Variants in TNFSF12 observed in about 807,000 individuals in gnomAD.
TNFSF12 encodes tumor necrosis factor ligand superfamily member 12.
In TNFSF12, 16 loss-of-function variants were observed where a neutral mutation model predicts 31.2. That is an observed-to-expected ratio of 0.51 (90% CI 0.35 to 0.78). The LOEUF is 0.78. Ranked by LOEUF, TNFSF12 falls within the 30% of genes least tolerant of loss-of-function variation. TNFSF12 has a pLI of 0.01. For missense variants in TNFSF12, 324 were observed against 338.8 expected, an observed-to-expected ratio of 0.96 and a Z score of 0.34; for synonymous variants, 150 against 151.4, an observed-to-expected ratio of 0.99 and a Z score of 0.07.
At chr17:7,553,628 T>C in intron 5 of TNFSF12, 1 of 1,303,802 alleles carries the variant, frequency 7.7e-7, no homozygotes, top group Non-Finnish European at 1.0e-6. Flanking sequence ...AGATACTAAG[T>C]GGTGGAGCCA....
chr17:7,554,307 C>CTTTTTTTTTT (rs67090485), intron 5 of TNFSF12, among the ~76,000 whole-genome samples: 2 of 73,012 alleles, frequency 2.7e-5, no homozygotes, highest in Admixed American at 1.7e-4. Context: ...TATCCAGACT[C>CTTTTTTTTTT]TTTTTTTTTT....
Position 7,549,312 on chromosome 17 carries a change from G to A in TNFSF12, c.159G>A (p.Gln53=). 1.4e-6 allele frequency: 2 copies of A among 1,399,896 alleles called. No individual in the cohort carries two copies. Among genetic ancestry groups the A allele is most frequent in the Non-Finnish European group, 1.9e-6 (2 of 1,075,996 alleles). 86.7% of individuals were successfully genotyped at this position (1,399,896 alleles called of 1,614,324 possible). Residue 53 remains glutamine, a splice_region_variant and synonymous_variant, in exon 1 of 7, where the codon CAG becomes CAA. Coordinates refer to ENST00000293825, the MANE Select transcript of TNFSF12 (RefSeq NM_003809.3). This position sits in a 1 kb window ranked among gnomAD's most constrained non-coding sequence, Gnocchi z 4.1. ...SLGSRASLSA[Q]EPAQEELVAE... is the part of the protein sequence containing the mutation. ...GGAGCCGGGCATCGCTGTCCGCCCA[G>A]GTGAGGCCCCGCTGCGCACCCCTTC...
chr17:7,555,977 T>TTTG lies in TNFSF12; in HGVS notation c.374-799_374-798insGTT, dbSNP rs763227106. Among the ~76,000 whole-genome samples the TTTG allele has an allele frequency of 1.6e-4, 13 of 80,596 alleles. 1 individual carries two copies. In the South Asian group the frequency reaches 3.0e-3, roughly 18 times the overall value. The allele number at this position is 80,596 out of a possible 152,430, so 52.9% of individuals were successfully genotyped here. A position where few individuals can be genotyped will look rare whatever the true frequency, so the allele number is the denominator to read the frequency against. On this transcript the variant is annotated intron_variant, in intron 5 of 6. Coordinates refer to ENST00000293825, the MANE Select transcript of TNFSF12 (RefSeq NM_003809.3). ...AAATAAAAATGCCCAGTGAGCGTTTTTTTTGTTTTTTTTTTTTTTTGGAGA... is the reference window on the plus strand; with the variant it reads ...AAATAAAAATGCCCAGTGAGCGTTTTTTGTTTTGTTTTTTTTTTTTTTTGGAGA...
rs557047106 is a variant in TNFSF12, at chr17:7,555,259, C to T, written c.374-1519C>T. Among the ~76,000 whole-genome samples the T allele has an allele frequency of 5.8e-4, 88 of 152,274 alleles. No individual in the cohort carries two copies. The Middle Eastern group carries it at 0.01, about 18-fold the overall frequency. On this transcript the variant is annotated intron_variant, in intron 5 of 6. Coordinates refer to ENST00000293825, the MANE Select transcript of TNFSF12 (RefSeq NM_003809.3). ...ATGGCTGTGGAGTCAGGGATTCTCT[C>T]CCTGCATCGCAAGGTGCCGCTGGGC...
chr17:7,549,106 G>C lies in TNFSF12; in HGVS notation c.-48G>C. The C allele has an allele frequency of 8.1e-7, 1 of 1,229,174 alleles. No individual in the cohort carries two copies. Among genetic ancestry groups the C allele is most frequent in the South Asian group, 3.7e-5 (1 of 27,242 alleles). The allele number at this position is 1,229,174 out of a possible 1,614,324, so 76.1% of individuals were successfully genotyped here. On this transcript the variant is annotated 5_prime_UTR_variant, in exon 1 of 7. Coordinates refer to ENST00000293825, the MANE Select transcript of TNFSF12 (RefSeq NM_003809.3). The surrounding 1 kb of genome is among the most constrained non-coding windows in gnomAD (Gnocchi z 4.1). ...CCGGCTCCCCCTCCCCCGATCCCTC[G>C]GGTCCCGGGATGGGGGGGCGGTGAG...
At position 7,549,491 on chromosome 17, in the gene TNFSF12, G is replaced by C. The variant is rs868687352; in HGVS notation, c.177G>C (p.Glu59Asp). The change falls in exon 2 of 7, where the codon GAG (glutamate) becomes GAC (aspartate). Residue 59 changes from glutamate to aspartate, a missense_variant. Glu to Asp is a conservative substitution (Grantham distance 45). Transcript: ENST00000293825. This position sits in a 1 kb window ranked among gnomAD's most constrained non-coding sequence, Gnocchi z 4.1. The stretch of plus-strand genomic sequence containing the variant: ...CCCAGCAGGAGCCTGCCCAGGAGGA[G>C]CTGGTGGCAGAGGAGGACCAGGACC... ...SLSAQEPAQEELVAEEDQDPS... is the reference protein window; with the variant it reads ...SLSAQEPAQEDLVAEEDQDPS... 1.3e-6 allele frequency: 2 copies of C among 1,548,154 alleles called. No homozygotes were observed. Among genetic ancestry groups the C allele is most frequent in the African/African-American group, 2.7e-5 (2 of 73,800 alleles).
chr17:7,551,173 C>T (rs952243156), intron 5 of TNFSF12, among the ~76,000 whole-genome samples, 195 bp downstream of exon 5: 2 of 152,272 alleles, frequency 1.3e-5, no homozygotes, highest in Non-Finnish European at 2.9e-5. Flanking sequence ...CTGCCCAGTT[C>T]CCCCAGCAAA....
rs9899183 is a variant in TNFSF12 at position 7,549,660 on chromosome 17, C to T, written c.207+139C>T. On this transcript the variant is annotated intron_variant, in intron 2 of 6. Transcript: ENST00000293825. The surrounding 1 kb of genome is among the most constrained non-coding windows in gnomAD (Gnocchi z 4.1). ...TGTGAACACAGTGCGTGCATGGGTG[C>T]GTGTCTGCAGGGGTGTGTGTGCGTG... 984,775 of 1,308,790 alleles carry T rather than the reference C, an allele frequency of 0.75. 373,403 individuals are homozygous for T. The highest frequency in any genetic ancestry group is 1 in the East Asian group (38,392 of 38,422). 81.1% of individuals were successfully genotyped at this position (1,308,790 alleles called of 1,614,324 possible).
chr17:7,550,030 T>C lies in TNFSF12; in HGVS notation c.208-90T>C, dbSNP rs1489597149. 1 of 1,600,668 alleles carries C rather than the reference T, an allele frequency of 6.2e-7. No homozygotes were observed. The highest frequency in any genetic ancestry group is 1.3e-5 in the African/African-American group (1 of 74,600). On this transcript the variant is annotated intron_variant, in intron 2 of 6. Coordinates refer to ENST00000293825, the MANE Select transcript of TNFSF12 (RefSeq NM_003809.3). This position sits in a 1 kb window ranked among gnomAD's most constrained non-coding sequence, Gnocchi z 4.4. ...AATCTGTCCCTGACTTCTGTGTCTA[T>C]TGCTGGCTGGTGGCTCTCCTGACAG...
intron 5 of TNFSF12, chr17:7,553,966 G>A (rs1441259882): frequency 8.0e-6 from 7 of 879,892 alleles, no homozygotes; most frequent in Non-Finnish European, 5.6e-6. Context: ...ATGAAAGCAA[G>A]CTTCGTGGGG....
rs59248137 is a variant in TNFSF12 at position 7,555,973 on chromosome 17, G to GTTTTTTTTTTTTTTTTTTTTTTT, written c.374-797_374-796insTTTTTTTTTTTTTTTTTTTTTTT. Among the ~76,000 whole-genome samples the GTTTTTTTTTTTTTTTTTTTTTTT allele has an allele frequency of 5.1e-4, 36 of 70,906 alleles. 11 individuals carry two copies. The highest frequency in any genetic ancestry group is 7.8e-4 in the Non-Finnish European group (30 of 38,452). The allele number at this position is 70,906 out of a possible 152,430, so 46.5% of individuals were successfully genotyped here. On this transcript the variant is annotated intron_variant, in intron 5 of 6. Coordinates refer to ENST00000293825, the MANE Select transcript of TNFSF12 (RefSeq NM_003809.3). ...GTGGAAATAAAAATGCCCAGTGAGCGTTTTTTTTGTTTTTTTTTTTTTTTG... is the reference window on the plus strand; with the variant it reads ...GTGGAAATAAAAATGCCCAGTGAGCGTTTTTTTTTTTTTTTTTTTTTTTTTTTTTTTGTTTTTTTTTTTTTTTG...
Position 7,557,051 on chromosome 17 carries a change from G to T in TNFSF12, c.499-48G>T. 1 of 1,568,372 alleles carries T rather than the reference G, an allele frequency of 6.4e-7. No homozygotes were observed. Among genetic ancestry groups the T allele is most frequent in the Non-Finnish European group, 8.7e-7 (1 of 1,152,960 alleles). On this transcript the variant is annotated intron_variant, in intron 6 of 6. Coordinates refer to ENST00000293825, the MANE Select transcript of TNFSF12 (RefSeq NM_003809.3). The surrounding 1 kb of genome is among the most constrained non-coding windows in gnomAD (Gnocchi z 5.2). ...CGTCGCTGAGGAAATTGGAAATTGAGGCGAGGGCAGGCAGAGGCCTGGACT... is the reference window on the plus strand; with the variant it reads ...CGTCGCTGAGGAAATTGGAAATTGATGCGAGGGCAGGCAGAGGCCTGGACT...
Position 7,549,058 on chromosome 17 carries a change from C to T in TNFSF12, c.-96C>T. The T allele has an allele frequency of 8.9e-7, 1 of 1,124,104 alleles. No homozygotes were observed. Among genetic ancestry groups the T allele is most frequent in the Non-Finnish European group, 1.1e-6 (1 of 893,208 alleles). The allele number at this position is 1,124,104 out of a possible 1,614,324, so 69.6% of individuals were successfully genotyped here. A position where few individuals can be genotyped will look rare whatever the true frequency, so the allele number is the denominator to read the frequency against. On this transcript the variant is annotated 5_prime_UTR_variant, in exon 1 of 7. Transcript: ENST00000293825. This position sits in a 1 kb window ranked among gnomAD's most constrained non-coding sequence, Gnocchi z 4.1. ...CCCGCCCCGTTTCCCTTGCCCCTCC[C>T]TCTCCCCGGCCCGATCCGCCCGCCG...
intron 5 of TNFSF12, among the ~76,000 whole-genome samples, chr17:7,551,579 G>T (rs2071001853): frequency 1.3e-5 from 2 of 152,130 alleles, no homozygotes; most frequent in African/African-American, 4.8e-5. Context: ...CCTGCTCCCG[G>T]TGTGCCTCTT....
intron 5 of TNFSF12, among the ~76,000 whole-genome samples, chr17:7,554,506 G>A (rs891484870): frequency 3.8e-4 from 57 of 150,304 alleles, no homozygotes; most frequent in African/African-American, 1.3e-3. Flanking sequence ...TAGTAGAGAC[G>A]GGGTTTCACC....
In TNFSF12 at chr17:7,557,615, T is replaced by G; in HGVS notation, c.*265T>G. 2 of 470,504 alleles carry G rather than the reference T, an allele frequency of 4.3e-6. No individual in the cohort carries two copies. The highest frequency in any genetic ancestry group is 3.8e-5 in the East Asian group (1 of 26,648). 29.1% of individuals were successfully genotyped at this position (470,504 alleles called of 1,614,324 possible). ...CTTTGAGGCCCCCAGTGATCTCGAC[T>G]CCCCCCTGGCCACAGACCCCCAGGG... On this transcript the variant is annotated 3_prime_UTR_variant, in exon 7 of 7. Coordinates refer to ENST00000293825, the MANE Select transcript of TNFSF12 (RefSeq NM_003809.3). This position sits in a 1 kb window ranked among gnomAD's most constrained non-coding sequence, Gnocchi z 5.2.
chr17:7,557,440 C>A lies in TNFSF12; in HGVS notation c.*90C>A. 1 of 1,485,544 alleles carries A rather than the reference C, an allele frequency of 6.7e-7. No homozygotes were observed. Among genetic ancestry groups the A allele is most frequent in the Non-Finnish European group, 8.9e-7 (1 of 1,119,850 alleles). The allele number at this position is 1,485,544 out of a possible 1,614,324, so 92.0% of individuals were successfully genotyped here. ...CGGTCCCCTCTGCCCCACCCTCAGC[C>A]GCTCTTTGCTCCAGACCTGCCCCTC... On this transcript the variant is annotated 3_prime_UTR_variant, in exon 7 of 7. Coordinates refer to ENST00000293825, the MANE Select transcript of TNFSF12 (RefSeq NM_003809.3). This position sits in a 1 kb window ranked among gnomAD's most constrained non-coding sequence, Gnocchi z 5.2.
rs2071079556 is a variant in TNFSF12 at position 7,557,047 on chromosome 17, T to C, written c.499-52T>C. The C allele has an allele frequency of 6.4e-7, 1 of 1,564,970 alleles. No homozygotes were observed. Among genetic ancestry groups the C allele is most frequent in the Non-Finnish European group, 8.7e-7 (1 of 1,151,158 alleles). The stretch of plus-strand genomic sequence containing the variant: ...CCTGCGTCGCTGAGGAAATTGGAAA[T>C]TGAGGCGAGGGCAGGCAGAGGCCTG... On this transcript the variant is annotated intron_variant, in intron 6 of 6. Coordinates refer to ENST00000293825, the MANE Select transcript of TNFSF12 (RefSeq NM_003809.3). This position sits in a 1 kb window ranked among gnomAD's most constrained non-coding sequence, Gnocchi z 5.2.
chr17:7,557,612 G>C lies in TNFSF12; in HGVS notation c.*262G>C, dbSNP rs2071090647. 2.0e-6 allele frequency: 1 copy of C among 492,260 alleles called. No individual in the cohort carries two copies. Among genetic ancestry groups the C allele is most frequent in the African/African-American group, 2.0e-5 (1 of 51,232 alleles). 30.5% of individuals were successfully genotyped at this position (492,260 alleles called of 1,614,324 possible). On this transcript the variant is annotated 3_prime_UTR_variant, in exon 7 of 7. Transcript: ENST00000293825. This position sits in a 1 kb window ranked among gnomAD's most constrained non-coding sequence, Gnocchi z 5.2. Reference sequence around the variant, plus strand: ...ACCCTTTGAGGCCCCCAGTGATCTCGACTCCCCCCTGGCCACAGACCCCCA... The same window carrying C: ...ACCCTTTGAGGCCCCCAGTGATCTCCACTCCCCCCTGGCCACAGACCCCCA...
Sources: gnomAD v4.1 joint callset for allele counts (sites outside exome capture counted in the v4.1 genomes callset) on GRCh38, gnomAD v4.1.1 for gene constraint, Gnocchi (gnomAD v3.1) non-coding constraint, MANE v1.5 for transcripts, NCBI Gene and HGNC (gene_info 2026-07-23, HGNC 2026-07-21) for gene names.